The following ENOX2 variants were observed in gnomAD, a reference collection of about 807,000 sequenced individuals.
The protein encoded by ENOX2 is ecto-NOX disulfide-thiol exchanger 2, also known as APK1 antigen.
Under a neutral mutation model 45.0 loss-of-function variants are expected in ENOX2, and 36 were observed. The ratio of observed to expected loss-of-function variants is 0.80; its 90% CI spans 0.61 to 1.06. The LOEUF is 1.06. Ranked by LOEUF, ENOX2 falls within the 50% of genes least tolerant of loss-of-function variation. ENOX2 has a pLI of 0.00. For missense variants in ENOX2, 423 were observed against 462.5 expected, an observed-to-expected ratio of 0.91 and a Z score of 0.78; for synonymous variants, 174 against 152.3, an observed-to-expected ratio of 1.14 and a Z score of -1.05.
At chrX:130,636,570 T>C (rs1273732050) in intron 11 of ENOX2, among the ~76,000 whole-genome samples, 1 of 112,588 alleles carries the variant, frequency 8.9e-6, no homozygotes, top group Non-Finnish European at 1.9e-5. Context: ...ACTGTGGTGA[T>C]GGTTACGTAA....
At chrX:130,872,242 C>A (rs1008900610) in intron 2 of ENOX2, among the ~76,000 whole-genome samples, 1 of 112,323 alleles carries the variant, frequency 8.9e-6, no homozygotes, top group African/African-American at 3.2e-5. Flanking sequence ...AAGGCAAAAG[C>A]ACGTATTAAG....
chrX:130,779,166 C>G (rs1032229641), intron 3 of ENOX2, among the ~76,000 whole-genome samples: 1 of 112,434 alleles, frequency 8.9e-6, no homozygotes, highest in Non-Finnish European at 1.9e-5. Flanking sequence ...ATCTTCTACT[C>G]TTTTGCTATA....
At chrX:130,676,320 T>A (rs756586745) in intron 6 of ENOX2, among the ~76,000 whole-genome samples, 2 of 112,225 alleles carry the variant, frequency 1.8e-5, no homozygotes, top group Non-Finnish European at 3.8e-5. Flanking sequence ...GTAAGGGATT[T>A]TTTTTTTGTT....
chrX:130,820,255 A>G (rs1222064740), intron 2 of ENOX2, among the ~76,000 whole-genome samples: 1 of 112,393 alleles, frequency 8.9e-6, no homozygotes, highest in Admixed American at 9.4e-5. Flanking sequence ...TAAAACCACA[A>G]TGAGTTATCA....
At chrX:130,752,630 T>G (rs2039252866) in intron 3 of ENOX2, among the ~76,000 whole-genome samples, 1 of 111,281 alleles carries the variant, frequency 9.0e-6, no homozygotes. Context: ...TGCCTCTTTC[T>G]GTTTCTCTCT....
intron 3 of ENOX2, among the ~76,000 whole-genome samples, chrX:130,778,431 A>G (rs748527114): frequency 1.8e-5 from 2 of 111,842 alleles, no homozygotes; most frequent in South Asian, 3.8e-4. Flanking sequence ...TTTGATTTCC[A>G]GAATTTCTAA....
At chrX:130,815,016 A>C (rs745854861) in intron 2 of ENOX2, among the ~76,000 whole-genome samples, 21 of 111,567 alleles carry the variant, frequency 1.9e-4, no homozygotes, top group Non-Finnish European at 3.2e-4. Context: ...GGTTTGAGGA[A>C]TTGCTAACTA....
chrX:130,730,147 C>T (rs188672385), intron 3 of ENOX2, among the ~76,000 whole-genome samples: 1 of 112,371 alleles, frequency 8.9e-6, no homozygotes, highest in Non-Finnish European at 1.9e-5. Context: ...GTCACTCTGT[C>T]CTCCACATAT....
Position 130,824,875 on chromosome X carries a change from T to TATTTAAG in ENOX2, c.-182-41186_-182-41185insCTTAAAT, listed in dbSNP as rs1165154670. Among the ~76,000 whole-genome samples, 480 of 111,341 alleles carry TATTTAAG rather than the reference T, an allele frequency of 4.3e-3. 2 individuals carry two copies. Among genetic ancestry groups the TATTTAAG allele is most frequent in the African/African-American group, 0.015 (465 of 30,725 alleles). On this transcript the variant is annotated intron_variant, in intron 2 of 14. Coordinates refer to ENST00000394363, the MANE Select transcript of ENOX2 (RefSeq NM_006375.4). Reference sequence around the variant, plus strand: ...TTGATGAAATATTTAAGACTGACAATACTGAGGGCTGGAGATGTGGAACCC... The same window carrying TATTTAAG: ...TTGATGAAATATTTAAGACTGACAATATTTAAGACTGAGGGCTGGAGATGTGGAACCC...
At chrX:130,720,376 A>G (rs1210586969) in intron 3 of ENOX2, among the ~76,000 whole-genome samples, 1 of 112,514 alleles carries the variant, frequency 8.9e-6, no homozygotes, top group Non-Finnish European at 1.9e-5. Context: ...TTGGGTTATA[A>G]AGGGAGCTAA....
intron 2 of ENOX2, among the ~76,000 whole-genome samples, chrX:130,876,252 A>G (rs1487993402): frequency 4.4e-5 from 5 of 112,424 alleles, no homozygotes; most frequent in Non-Finnish European, 9.4e-5. Flanking sequence ...ACAGTGGAAC[A>G]TTACCCAACC....
intron 3 of ENOX2, among the ~76,000 whole-genome samples, chrX:130,763,205 C>T (rs977271966): frequency 4.5e-5 from 5 of 110,769 alleles, no homozygotes; most frequent in African/African-American, 1.3e-4. Flanking sequence ...CCTGATGTTT[C>T]GAGGTTTCAG....
At chrX:130,636,746 T>C (rs983493465) in intron 11 of ENOX2, among the ~76,000 whole-genome samples, 16 of 112,847 alleles carry the variant, frequency 1.4e-4, no homozygotes, top group African/African-American at 4.8e-4. Flanking sequence ...TGGTATTATG[T>C]GCTCAAAGCA....
chrX:130,630,490 A>G (rs892393311), intron 13 of ENOX2, among the ~76,000 whole-genome samples: 1 of 111,289 alleles, frequency 9.0e-6, no homozygotes, highest in Non-Finnish European at 1.9e-5. Flanking sequence ...TGAAGCCTCC[A>G]TAAGAACTTT....
intron 9 of ENOX2, among the ~76,000 whole-genome samples, chrX:130,662,727 A>C (rs752061898): frequency 8.9e-6 from 1 of 112,340 alleles, no homozygotes; most frequent in Non-Finnish European, 1.9e-5. Context: ...TGACTTAAAG[A>C]GGCACCAATA....
At chrX:130,655,550 C>T (rs1464806884) in intron 10 of ENOX2, among the ~76,000 whole-genome samples, 1 of 112,010 alleles carries the variant, frequency 8.9e-6, no homozygotes, top group Non-Finnish European at 1.9e-5. Flanking sequence ...AACTATATCT[C>T]CAATCTCTAG....
At chrX:130,655,263 T>C (rs769357755) in intron 10 of ENOX2, among the ~76,000 whole-genome samples, 1 of 112,354 alleles carries the variant, frequency 8.9e-6, no homozygotes, top group East Asian at 2.8e-4. Flanking sequence ...AGTTTGTATG[T>C]TTAGGGTTCA....
chrX:130,629,240 A>T (rs776191801), intron 13 of ENOX2, among the ~76,000 whole-genome samples: 5 of 112,633 alleles, frequency 4.4e-5, no homozygotes, highest in Admixed American at 3.8e-4. Context: ...GAGAAACTTA[A>T]ATTCTGAAGA....
chrX:130,709,893 C>T (rs1444540153), intron 3 of ENOX2, among the ~76,000 whole-genome samples: 1 of 109,548 alleles, frequency 9.1e-6, no homozygotes, highest in East Asian at 2.9e-4. Context: ...TTAGGTATTT[C>T]TCCTAATGCT....
Sources: gnomAD v4.1 joint callset for allele counts (sites outside exome capture counted in the v4.1 genomes callset) on GRCh38, gnomAD v4.1.1 for gene constraint, MANE v1.5 for transcripts, NCBI Gene and HGNC (gene_info 2026-07-23, HGNC 2026-07-21) for gene names.